CFAP70: variants seen among roughly 807,000 people sequenced by gnomAD.
CFAP70 encodes cilia- and flagella-associated protein 70.
A neutral mutation model predicts 137.6 loss-of-function variants in CFAP70; 81 were observed. That is an observed-to-expected ratio of 0.59 (90% CI 0.49 to 0.71). The LOEUF (loss-of-function observed/expected upper bound fraction) is 0.71, where lower values mean the gene tolerates loss of function less well. CFAP70 is among the 30% of genes least tolerant of loss of function. CFAP70 has a pLI of 0.00. For synonymous variants in CFAP70, 382 were observed against 423.6 expected, an observed-to-expected ratio of 0.90 and a Z score of 1.20; for missense variants, 976 against 1,226.7, an observed-to-expected ratio of 0.80 and a Z score of 3.05.
chr10:73,321,438 C>T (rs1044205246), intron 9 of CFAP70, among the ~76,000 whole-genome samples: 1 of 151,992 alleles, frequency 6.6e-6, no homozygotes, highest in Non-Finnish European at 1.5e-5. Context: ...AAATGAATTC[C>T]TATAAATGTG....
At chr10:73,334,566 A>C (rs2052445502) in intron 7 of CFAP70, among the ~76,000 whole-genome samples, 1 of 151,234 alleles carries the variant, frequency 6.6e-6, no homozygotes, top group Admixed American at 6.6e-5. Flanking sequence ...TAACCATCAT[A>C]CATACCAATT....
In CFAP70 at chr10:73,291,276, C is replaced by T; in HGVS notation, c.2189G>A (p.Trp730Ter). ...TGTTGCAGAACCATTTGTGATTCCCCAAGGGCCTAAACTAGATTCTCTCTT... is the reference window on the plus strand; with the variant it reads ...TGTTGCAGAACCATTTGTGATTCCCTAAGGGCCTAAACTAGATTCTCTCTT... The change falls in exon 19 of 27, where the codon TGG (tryptophan) becomes TAG (stop). Residue 730 changes from tryptophan (W) to a stop codon, truncating the protein, a stop_gained. Coordinates refer to ENST00000310715, the Ensembl canonical transcript of CFAP70. LOFTEE classifies it high-confidence loss of function. The T allele has an allele frequency of 6.2e-7, 1 of 1,614,206 alleles. No individual in the cohort carries two copies. The highest frequency in any genetic ancestry group is 8.5e-7 in the Non-Finnish European group (1 of 1,180,026).
At chr10:73,346,981 C>T (rs1564882443) in intron 4 of CFAP70, 1 of 152,206 alleles carries the variant, frequency 6.6e-6, no homozygotes, top group Admixed American at 6.5e-5. Context: ...TGTTCACAGT[C>T]AGTTACAGAT....
intron 24 of CFAP70, among the ~76,000 whole-genome samples, chr10:73,271,063 C>T (rs140795812): frequency 0.018 from 2,756 of 152,136 alleles, 35 homozygotes; most frequent in Middle Eastern, 0.031. Context: ...AGGAGGCTGA[C>T]GCAGGAGGAT....
chr10:73,275,645 C>T lies in CFAP70; in HGVS notation c.2521-47G>A, dbSNP rs747790286. 34 of 1,434,580 alleles carry T rather than the reference C, an allele frequency of 2.4e-5. No individual in the cohort carries two copies. Among genetic ancestry groups the T allele is most frequent in the East Asian group, 1.1e-4 (4 of 37,812 alleles). 88.9% of individuals were successfully genotyped at this position (1,434,580 alleles called of 1,614,324 possible). A position where few individuals can be genotyped will look rare whatever the true frequency, so the allele number is the denominator to read the frequency against. On this transcript the variant is annotated intron_variant, in intron 21 of 26. Coordinates refer to ENST00000310715, the Ensembl canonical transcript of CFAP70. The surrounding 1 kb of genome is among the most constrained non-coding windows in gnomAD (Gnocchi z 4.0). The stretch of plus-strand genomic sequence containing the variant: ...AAGCAACATATAAATGGCTGCATTG[C>T]GTCTTTTTCGGTTGAAGGATTCTGT...
At position 73,331,219 on chromosome 10, in the gene CFAP70, AG is replaced by A; in HGVS notation, c.734del (p.Pro245LeufsTer40). On this transcript the variant is annotated frameshift_variant, in exon 8 of 27. Coordinates refer to ENST00000310715, the Ensembl canonical transcript of CFAP70. LOFTEE classifies it high-confidence loss of function. ...CTTTCCCTTTGGGTATAGTGACCAG[AG>A]GAACTCTTGTGATCTCTACAGGCCA... 1 of 1,613,630 alleles carries A rather than the reference AG, an allele frequency of 6.2e-7. No homozygotes were observed. The highest frequency in any genetic ancestry group is 8.5e-7 in the Non-Finnish European group (1 of 1,179,780).
intron 15 of CFAP70, 89 bp downstream of exon 16, chr10:73,296,953 T>G: frequency 6.9e-7 from 1 of 1,457,664 alleles, no homozygotes; most frequent in Non-Finnish European, 9.3e-7. Flanking sequence ...TCAATAAATA[T>G]TCGTTGAATA....
At chr10:73,262,546 G>A (rs3957119) in intron 25 of CFAP70, among the ~76,000 whole-genome samples, 15,988 of 152,172 alleles carry the variant, frequency 0.11, 1,199 homozygotes, top group East Asian at 0.29. Flanking sequence ...GAAAAAAAAT[G>A]TATGCTGAGG....
chr10:73,343,353 G>A lies in CFAP70; in HGVS notation c.399+1712C>T, dbSNP rs1462592461. Among the ~76,000 whole-genome samples, 4 of 152,214 alleles carry A rather than the reference G, an allele frequency of 2.6e-5. No individual in the cohort carries two copies. The East Asian group carries it at 7.7e-4, about 29-fold the overall frequency. ...TGTCAGACCCAGACACTATTATAGA[G>A]AAGCAATCATGGCCCCATGCTCAGG... is the stretch of plus-strand genomic sequence containing the variant. On this transcript the variant is annotated intron_variant, in intron 5 of 26. Transcript: ENST00000310715.
At chr10:73,313,542 CA>C (rs35177327) in intron 9 of CFAP70, among the ~76,000 whole-genome samples, 4,151 of 90,246 alleles carry the variant, frequency 0.046, 183 homozygotes, top group African/African-American at 0.13. Context: ...GACTCTGTCT[CA>C]AAAAAAAAAA....
chr10:73,291,585 A>G, intron 18 of CFAP70, 55 bp downstream of exon 19: 1 of 1,538,134 alleles, frequency 6.5e-7, no homozygotes, highest in Non-Finnish European at 8.9e-7. Context: ...GAAAGGAAAA[A>G]GGGAAAATCT....
intron 4 of CFAP70, 40 bp downstream of exon 4, chr10:73,348,383 G>C: frequency 6.3e-7 from 1 of 1,583,990 alleles, no homozygotes. Flanking sequence ...AGTTTTATGA[G>C]CTTTTCCATT....
chr10:73,292,674 T>C (rs555771021), intron 16 of CFAP70, among the ~76,000 whole-genome samples: 1 of 152,332 alleles, frequency 6.6e-6, no homozygotes, highest in African/African-American at 2.4e-5. Flanking sequence ...TATGAATGCT[T>C]ATGTGCAAAT....
intron 7 of CFAP70, among the ~76,000 whole-genome samples, chr10:73,333,577 C>A (rs955374509): frequency 2.6e-5 from 4 of 152,034 alleles, no homozygotes; most frequent in African/African-American, 4.8e-5. Context: ...AGAAACCATG[C>A]AAGCAAGAAG....
chr10:73,334,299 G>C (rs903860351), intron 7 of CFAP70, among the ~76,000 whole-genome samples: 1 of 152,182 alleles, frequency 6.6e-6, no homozygotes, highest in African/African-American at 2.4e-5. Flanking sequence ...CTTGCATCTA[G>C]AGGTTGGCTA....
At chr10:73,260,423 G>A (rs1024624878) in intron 25 of CFAP70, among the ~76,000 whole-genome samples, 1 of 152,054 alleles carries the variant, frequency 6.6e-6, no homozygotes, top group Admixed American at 6.6e-5. Flanking sequence ...ATGGATAGTA[G>A]CCAGTTGTCC....
intron 25 of CFAP70, among the ~76,000 whole-genome samples, chr10:73,266,538 T>C (rs2045789419): frequency 6.6e-6 from 1 of 152,200 alleles, no homozygotes; most frequent in Non-Finnish European, 1.5e-5. Flanking sequence ...TTTCCTTATC[T>C]TGTTCCTGAC....
chr10:73,283,803 C>T (rs1275170308), intron 19 of CFAP70, among the ~76,000 whole-genome samples: 4 of 152,096 alleles, frequency 2.6e-5, no homozygotes, highest in Non-Finnish European at 5.9e-5. Flanking sequence ...GCGATCCTCC[C>T]ACCTCAGCCT....
intron 16 of CFAP70, among the ~76,000 whole-genome samples, chr10:73,292,828 A>T (rs535153149): frequency 2.6e-5 from 4 of 152,024 alleles, no homozygotes; most frequent in Admixed American, 2.0e-4. Flanking sequence ...ACTTTGCTCT[A>T]TGGAGCAAAG....
Sources: allele counts gnomAD v4.1 joint callset (sites outside exome capture counted in the v4.1 genomes callset), GRCh38; gene constraint gnomAD v4.1.1; non-coding constraint Gnocchi (gnomAD v3.1); transcripts MANE v1.5; gene names NCBI Gene and HGNC (gene_info 2026-07-23, HGNC 2026-07-21).